The following CCDC50 variants were observed in gnomAD, a reference collection of about 807,000 sequenced individuals.
CCDC50 encodes the protein coiled-coil domain containing 50, also known as coiled-coil domain-containing protein 50.
A neutral mutation model predicts 70.2 loss-of-function variants in CCDC50; 54 were observed. The ratio of observed to expected loss-of-function variants is 0.77; its 90% CI spans 0.62 to 0.96. CCDC50 has a LOEUF of 0.96. CCDC50 is among the 50% of genes least tolerant of loss of function. CCDC50 has a pLI of 0.00. For synonymous variants in CCDC50, 216 were observed against 198.8 expected (o/e 1.09, Z -0.73); for missense variants, 558 against 578.7 (o/e 0.96, Z 0.37).
chr3:191,336,899 A>G (rs1711538287), intron 1 of CCDC50, among the ~76,000 whole-genome samples: 1 of 152,234 alleles, frequency 6.6e-6, no homozygotes, highest in South Asian at 2.1e-4. Flanking sequence ...GGACCTGCAA[A>G]CTACTGCCAC....
At chr3:191,356,920 G>T (rs901573893) in intron 1 of CCDC50, among the ~76,000 whole-genome samples, 168 bp from the exon 2 acceptor site, 4 of 152,028 alleles carry the variant, frequency 2.6e-5, no homozygotes, top group African/African-American at 9.7e-5. Flanking sequence ...TGTGACTAAA[G>T]ACTGCATACT....
chr3:191,362,100 A>T (rs1712509594), intron 4 of CCDC50, among the ~76,000 whole-genome samples: 1 of 152,116 alleles, frequency 6.6e-6, no homozygotes, highest in South Asian at 2.1e-4. Context: ...ATCAGCTATT[A>T]TTTCCTTTTG....
At chr3:191,381,010 C>G in intron 9 of CCDC50, 78 bp downstream of exon 9, 6 of 1,078,402 alleles carry the variant, frequency 5.6e-6, no homozygotes, top group Non-Finnish European at 8.3e-6. Context: ...GAGTTAAGCT[C>G]TGCAAATATA....
At chr3:191,380,999 TG>T in intron 9 of CCDC50, 67 bp downstream of exon 9, 1 of 1,216,102 alleles carries the variant, frequency 8.2e-7, no homozygotes, top group East Asian at 2.5e-5. Context: ...ACTCTGCTTT[TG>T]AGTTAAGCTC....
intron 3 of CCDC50, among the ~76,000 whole-genome samples, chr3:191,359,854 C>G (rs949606383): frequency 6.6e-6 from 1 of 152,092 alleles, no homozygotes; most frequent in African/African-American, 2.4e-5. Flanking sequence ...TGTTTAAAAT[C>G]CTGAATTAGG....
At chr3:191,387,600 A>C (rs970516986) in intron 10 of CCDC50, among the ~76,000 whole-genome samples, 1 of 148,880 alleles carries the variant, frequency 6.7e-6, no homozygotes, top group African/African-American at 2.6e-5. Flanking sequence ...ATTGCTCTTA[A>C]GAAGTACTCT....
intron 6 of CCDC50, among the ~76,000 whole-genome samples, chr3:191,379,602 G>A (rs293809): frequency 0.58 from 87,651 of 151,642 alleles, 27,019 homozygotes; most frequent in African/African-American, 0.81. Context: ...GTTCTAAAGC[G>A]AGTGGGTTTA....
At chr3:191,365,163 T>C (rs1712638593) in intron 4 of CCDC50, among the ~76,000 whole-genome samples, 1 of 152,036 alleles carries the variant, frequency 6.6e-6, no homozygotes, top group South Asian at 2.1e-4. Context: ...CTTTTTTTTT[T>C]CCTTAAATAA....
rs1239021485 is a variant in CCDC50 at position 191,395,899 on chromosome 3, AC to A, written c.*4140del. On this transcript the variant is annotated 3_prime_UTR_variant, in exon 12 of 12. Transcript: ENST00000392455. ...CTGCTTATCTTACTGTTGATAGAAT[AC>A]TTTTTTTCTTTTTAGCCCATGATAA... 6.6e-6 allele frequency: 1 copy of A among 152,170 alleles called. No individual in the cohort carries two copies. The highest frequency in any genetic ancestry group is 1.5e-5 in the Non-Finnish European group (1 of 68,008). The allele number at this position is 152,170 out of a possible 1,614,324, so 9.4% of individuals were successfully genotyped here. A position where few individuals can be genotyped will look rare whatever the true frequency, so the allele number is the denominator to read the frequency against.
chr3:191,398,010 A>G lies in CCDC50; in HGVS notation c.*6250A>G, dbSNP rs1713916731. The G allele has an allele frequency of 6.6e-6, 1 of 152,058 alleles. No homozygotes were observed. Among genetic ancestry groups the G allele is most frequent in the South Asian group, 2.1e-4 (1 of 4,818 alleles). 9.4% of individuals were successfully genotyped at this position (152,058 alleles called of 1,614,324 possible). A position where few individuals can be genotyped will look rare whatever the true frequency, so the allele number is the denominator to read the frequency against. Reference sequence around the variant, plus strand: ...GGTGGGTTCTGATGGGAATATATACACTCATCTGGACTAGGCCAATGGAAG... The same window carrying G: ...GGTGGGTTCTGATGGGAATATATACGCTCATCTGGACTAGGCCAATGGAAG... On this transcript the variant is annotated 3_prime_UTR_variant, in exon 12 of 12. Transcript: ENST00000392455.
intron 10 of CCDC50, among the ~76,000 whole-genome samples, chr3:191,388,147 TATATA>T (rs761197697): frequency 1.4e-4 from 22 of 151,954 alleles, no homozygotes; most frequent in Non-Finnish European, 2.9e-4. Context: ...CTTTTATATA[TATATA>T]TATAAAACAG....
In CCDC50 at chr3:191,391,839, T is replaced by C; in HGVS notation, c.*79T>C. 1.5e-6 allele frequency: 2 copies of C among 1,302,878 alleles called. No individual in the cohort carries two copies. The highest frequency in any genetic ancestry group is 2.2e-6 in the Non-Finnish European group (2 of 908,874). 80.7% of individuals were successfully genotyped at this position (1,302,878 alleles called of 1,614,324 possible). A position where few individuals can be genotyped will look rare whatever the true frequency, so the allele number is the denominator to read the frequency against. On this transcript the variant is annotated 3_prime_UTR_variant, in exon 12 of 12. Transcript: ENST00000392455. ...GATACAGAATGAATTCTACACTTAC[T>C]TTTTTTCTCCTGTGTTTGCATTCCT...
At chr3:191,344,868 C>T (rs572802527) in intron 1 of CCDC50, among the ~76,000 whole-genome samples, 147 of 152,344 alleles carry the variant, frequency 9.6e-4, no homozygotes, top group African/African-American at 3.5e-3. Context: ...CGTGAGCCAC[C>T]ATGCCCAGCC....
intron 2 of CCDC50, 42 bp downstream of exon 2, chr3:191,357,192 T>G (rs755134634): frequency 1.3e-6 from 2 of 1,539,434 alleles, no homozygotes; most frequent in South Asian, 1.1e-5. Flanking sequence ...GTTTTCTTTT[T>G]TTAGTGGTAG....
chr3:191,371,842 A>G (rs1187577982), intron 5 of CCDC50, among the ~76,000 whole-genome samples: 1 of 152,174 alleles, frequency 6.6e-6, no homozygotes, highest in African/African-American at 2.4e-5. Context: ...TTATTGCCAC[A>G]TTTTGCTGTA....
chr3:191,349,745 C>T (rs1005751799), intron 1 of CCDC50, among the ~76,000 whole-genome samples: 11 of 141,210 alleles, frequency 7.8e-5, no homozygotes, highest in African/African-American at 2.5e-4. Flanking sequence ...ACTTTTTATT[C>T]CTGTTTTTTC....
chr3:191,340,816 A>T (rs998881649), intron 1 of CCDC50, among the ~76,000 whole-genome samples: 1 of 152,128 alleles, frequency 6.6e-6, no homozygotes, highest in Non-Finnish European at 1.5e-5. Flanking sequence ...ATTCCTTGCC[A>T]GGAAACATTG....
intron 5 of CCDC50, 86 bp from the exon 6 acceptor site, chr3:191,374,976 C>G: frequency 7.3e-7 from 1 of 1,371,978 alleles, no homozygotes; most frequent in Non-Finnish European, 1.0e-6. Context: ...AAACTGGAGC[C>G]CAGACTCCCC....
chr3:191,380,778 A>G (rs551617083), intron 8 of CCDC50, 47 bp downstream of exon 8: 1 of 1,611,332 alleles, frequency 6.2e-7, no homozygotes, highest in South Asian at 1.1e-5. Flanking sequence ...ATCCTAGTAT[A>G]TTTCTATCTG....
Sources: allele counts gnomAD v4.1 joint callset (sites outside exome capture counted in the v4.1 genomes callset), GRCh38; gene constraint gnomAD v4.1.1; transcripts MANE v1.5; gene names NCBI Gene and HGNC (gene_info 2026-07-23, HGNC 2026-07-21).